Variants in RASAL2 observed in about 807,000 individuals in gnomAD.
The protein encoded by RASAL2 is RAS protein activator like 2, also known as ras GTPase-activating protein nGAP.
A neutral mutation model predicts 128.9 loss-of-function variants in RASAL2; 58 were observed. The ratio of observed to expected loss-of-function variants is 0.45; its 90% confidence interval spans 0.36 to 0.56. RASAL2 has a LOEUF of 0.56. Ranked by LOEUF, RASAL2 falls within the 20% of genes least tolerant of loss-of-function variation. The pLI is 0.00. For synonymous variants in RASAL2, 561 were observed against 580.8 expected (o/e 0.97, Z 0.49); for missense variants, 1,360 against 1,601.6 (o/e 0.85, Z 2.57).
At chr1:178,383,370 G>A (rs1672386330) in intron 3 of RASAL2, among the ~76,000 whole-genome samples, 1 of 152,058 alleles carries the variant, frequency 6.6e-6, no homozygotes, top group Admixed American at 6.6e-5. Flanking sequence ...AGTAAAAGTG[G>A]GATACAGCAG....
intron 3 of RASAL2, among the ~76,000 whole-genome samples, chr1:178,346,748 G>T (rs1670175950): frequency 1.3e-5 from 2 of 152,052 alleles, no homozygotes; most frequent in East Asian, 1.9e-4. Flanking sequence ...CTGAGAAATG[G>T]TATAGACCAT....
intron 17 of RASAL2, among the ~76,000 whole-genome samples, chr1:178,470,014 T>C (rs1435481535): frequency 6.6e-6 from 1 of 152,240 alleles, no homozygotes; most frequent in Non-Finnish European, 1.5e-5. Flanking sequence ...GTTTCTTAAT[T>C]CCAGCTGTTG....
intron 1 of RASAL2, among the ~76,000 whole-genome samples, chr1:178,272,640 A>G (rs1317165695): frequency 2.6e-5 from 4 of 152,282 alleles, no homozygotes; most frequent in East Asian, 3.9e-4. Flanking sequence ...TTAAAATCCA[A>G]CTATTTGGCC....
chr1:178,411,958 C>T lies in RASAL2; in HGVS notation c.565-8553C>T, dbSNP rs1056531708. 26 of 612,332 alleles carry T rather than the reference C, an allele frequency of 4.2e-5. 1 individual carries two copies. Among genetic ancestry groups the T allele is most frequent in the African/African-American group, 1.7e-4 (9 of 54,130 alleles). The allele number at this position is 612,332 out of a possible 1,614,324, so 37.9% of individuals were successfully genotyped here. A position where few individuals can be genotyped will look rare whatever the true frequency, so the allele number is the denominator to read the frequency against. ...ATCAGGCAGATTGAGGACATCACCC[C>T]CCATCCCCTCTTGACGGCACCCACA... On this transcript the variant is annotated intron_variant, in intron 4 of 17. Transcript: ENST00000367649.
intron 1 of RASAL2, among the ~76,000 whole-genome samples, chr1:178,262,164 C>G (rs533756712): frequency 6.6e-6 from 1 of 150,954 alleles, no homozygotes; most frequent in Non-Finnish European, 1.5e-5. Context: ...AGTATCCTTT[C>G]TCTGCTGAAA....
At chr1:178,318,505 A>T (rs1308461626) in intron 3 of RASAL2, among the ~76,000 whole-genome samples, 1 of 150,660 alleles carries the variant, frequency 6.6e-6, no homozygotes, top group Non-Finnish European at 1.5e-5. Flanking sequence ...TATTTAGGAT[A>T]GTTAGCTCTT....
intron 3 of RASAL2, 30 bp downstream of exon 3, chr1:178,300,148 C>T (rs372698014): frequency 1.0e-5 from 16 of 1,587,904 alleles, no homozygotes; most frequent in Middle Eastern, 1.8e-4. Context: ...AAATAAATTC[C>T]TAGCTTTTAT....
intron 5 of RASAL2, among the ~76,000 whole-genome samples, chr1:178,429,204 C>T (rs923240106): frequency 6.6e-6 from 1 of 152,020 alleles, no homozygotes; most frequent in Non-Finnish European, 1.5e-5. Flanking sequence ...TCTTATGGTC[C>T]GCAGGAAACC....
intron 1 of RASAL2, among the ~76,000 whole-genome samples, chr1:178,251,742 A>G (rs1409134761): frequency 1.3e-5 from 2 of 152,210 alleles, no homozygotes; most frequent in Non-Finnish European, 2.9e-5. Context: ...TAAAAAAGTA[A>G]AACAGTCTTT....
intron 3 of RASAL2, among the ~76,000 whole-genome samples, chr1:178,386,023 C>G (rs1279191486): frequency 1.3e-5 from 2 of 152,140 alleles, no homozygotes; most frequent in East Asian, 1.9e-4. Context: ...AGGGTCCTCT[C>G]AAATACATGA....
At chr1:178,222,898 CT>C (rs1294230940) in intron 1 of RASAL2, among the ~76,000 whole-genome samples, 2 of 152,012 alleles carry the variant, frequency 1.3e-5, no homozygotes, top group Non-Finnish European at 2.9e-5. Flanking sequence ...TCACATTATT[CT>C]TTTTTCCTTT....
chr1:178,238,999 G>A (rs1309726278), intron 1 of RASAL2, among the ~76,000 whole-genome samples: 1 of 152,028 alleles, frequency 6.6e-6, no homozygotes, highest in Non-Finnish European at 1.5e-5. Flanking sequence ...GACTGAGCTT[G>A]AGTCAGTTAA....
chr1:178,210,770 A>G (rs141193262), intron 1 of RASAL2, among the ~76,000 whole-genome samples: 78 of 152,342 alleles, frequency 5.1e-4, no homozygotes, highest in African/African-American at 1.7e-3. Context: ...AAATTTATAT[A>G]TGGAAATCAT....
At chr1:178,145,303 TTTTTG>T (rs1425498234) in intron 1 of RASAL2, among the ~76,000 whole-genome samples, 8 of 152,290 alleles carry the variant, frequency 5.3e-5, no homozygotes, top group African/African-American at 1.9e-4. Context: ...AAGAGGATTT[TTTTTG>T]TTTTGTTTTT....
At position 178,476,947 on chromosome 1, in the gene RASAL2, A is replaced by T. The variant is rs1456608654; in HGVS notation, c.*3708A>T. On this transcript the variant is annotated 3_prime_UTR_variant, in exon 18 of 18. Transcript: ENST00000367649. ...TACCTCTAGCTTGGAGTTCCTGAGA[A>T]GGCTGGTTATAGGACTGAGCGTGGG... 1 of 152,262 alleles carries T rather than the reference A, an allele frequency of 6.6e-6. No homozygotes were observed. The highest frequency in any genetic ancestry group is 1.9e-4 in the East Asian group (1 of 5,194). 9.4% of individuals were successfully genotyped at this position (152,262 alleles called of 1,614,324 possible).
At chr1:178,106,977 C>T (rs1214122898) in intron 1 of RASAL2, among the ~76,000 whole-genome samples, 1 of 152,078 alleles carries the variant, frequency 6.6e-6, no homozygotes, top group African/African-American at 2.4e-5. Context: ...TCATATATAT[C>T]CAGTAATATT....
chr1:178,180,421 A>G (rs958415333), intron 1 of RASAL2, among the ~76,000 whole-genome samples: 9 of 138,688 alleles, frequency 6.5e-5, no homozygotes, highest in African/African-American at 1.3e-4. Flanking sequence ...AGGCAGGTGG[A>G]TGGATCGCTT....
chr1:178,217,066 C>T (rs1374440664), intron 1 of RASAL2, among the ~76,000 whole-genome samples: 36 of 152,238 alleles, frequency 2.4e-4, no homozygotes, highest in Admixed American at 2.3e-3. Flanking sequence ...ACCTCCACCT[C>T]CCGGGTTCAA....
chr1:178,121,490 T>C (rs1190344829), intron 1 of RASAL2, among the ~76,000 whole-genome samples: 1 of 151,324 alleles, frequency 6.6e-6, no homozygotes, highest in Admixed American at 6.6e-5. Flanking sequence ...TCATTGGTTG[T>C]TTTCTTTTTT....
Sources: gnomAD v4.1 joint callset for allele counts (sites outside exome capture counted in the v4.1 genomes callset) on GRCh38, gnomAD v4.1.1 for gene constraint, MANE v1.5 for transcripts, NCBI Gene and HGNC (gene_info 2026-07-23, HGNC 2026-07-21) for gene names.